The following SCN7A variants were observed in gnomAD, a reference collection of about 807,000 sequenced individuals.
SCN7A encodes sodium channel protein type 7 subunit alpha.
In SCN7A, 138 loss-of-function variants were observed where a neutral mutation model predicts 155.2. That is an observed-to-expected ratio of 0.89 (90% CI 0.77 to 1.02). SCN7A has a LOEUF of 1.02. Among genes scored for constraint, SCN7A ranks in the 50% least tolerant of loss-of-function variants. The pLI, the probability that SCN7A is intolerant of heterozygous loss-of-function variation, is 0.00. For missense variants in SCN7A, 2,058 were observed against 1,986.6 expected, an observed-to-expected ratio of 1.04 and a Z score of -0.68; for synonymous variants, 693 against 649.0, an observed-to-expected ratio of 1.07 and a Z score of -1.03.
At chr2:166,471,172 C>T (rs1702647202) in intron 6 of SCN7A, among the ~76,000 whole-genome samples, 1 of 151,814 alleles carries the variant, frequency 6.6e-6, no homozygotes, top group Admixed American at 6.6e-5. Context: ...TATAAGCAGA[C>T]TGTGTGTTGT....
chr2:166,427,783 C>T lies in SCN7A; in HGVS notation c.2853+5G>A. 1 of 1,603,978 alleles carries T rather than the reference C, an allele frequency of 6.2e-7. No individual in the cohort carries two copies. The highest frequency in any genetic ancestry group is 1.1e-5 in the South Asian group (1 of 89,792). ...AAGTATCAAACACCCTGGCTGCCCA[C>T]TTACCAGAGTGCCAGTGCTGAGCAG... On this transcript the variant is annotated splice_donor_5th_base_variant and intron_variant, in intron 18 of 25. Transcript: ENST00000643258.
rs746636913 is a variant in SCN7A at position 166,441,702 on chromosome 2, C to T, written c.1851G>A (p.Met617Ile). The change falls in exon 15 of 26, where the codon ATG becomes ATA. Residue 617 changes from methionine to isoleucine, a missense_variant. Physicochemically the swap from Met to Ile is conservative, Grantham distance 10 (BLOSUM62 1). Coordinates refer to ENST00000643258, the MANE Select transcript of SCN7A (RefSeq NM_002976.4). ...CCACCCATGAGTTACTAAGAGACCA[C>T]ATCAAAATCTGGAATGTTGGCCAAT... ...GKYWPTFQIL[M>I]WSLSNSWVAL... 4 of 1,612,400 alleles carry T rather than the reference C, an allele frequency of 2.5e-6. No individual in the cohort carries two copies. The highest frequency in any genetic ancestry group is 2.2e-5 in the East Asian group (1 of 44,868).
chr2:166,448,714 G>A (rs914955294), intron 11 of SCN7A, among the ~76,000 whole-genome samples: 2 of 152,146 alleles, frequency 1.3e-5, no homozygotes, highest in Admixed American at 6.6e-5. Flanking sequence ...ACCAGGAAAT[G>A]GTTGTGGTAT....
rs1281339788 is a variant in SCN7A, at chr2:166,474,335, C to T, written c.244G>A (p.Val82Ile). The T allele has an allele frequency of 7.0e-7, 1 of 1,437,548 alleles. No individual in the cohort carries two copies. The highest frequency in any genetic ancestry group is 1.4e-5 in the African/African-American group (1 of 69,468). The allele number at this position is 1,437,548 out of a possible 1,614,324, so 89.0% of individuals were successfully genotyped here. ...AAGATTGTTCTATTTTTATTTAATA[C>T]TATGAAAGTCTGTAAGAAGAAAAGC... ...YYYKKKNTFI[V>I]LNKNRTIFRF... The change falls in exon 4 of 26, where the codon GTA (valine) becomes ATA (isoleucine). Residue 82 changes from valine (V) to isoleucine (I), a missense_variant. By Grantham distance (29) the Val-to-Ile change is conservative (BLOSUM62 3). Coordinates refer to ENST00000643258, the MANE Select transcript of SCN7A (RefSeq NM_002976.4).
intron 19 of SCN7A, among the ~76,000 whole-genome samples, chr2:166,421,524 T>C (rs1025072336): frequency 6.6e-6 from 1 of 152,026 alleles, no homozygotes; most frequent in Non-Finnish European, 1.5e-5. Context: ...AACTGTTTTC[T>C]GGTAATAAGG....
chr2:166,434,270 A>C (rs1304261213), intron 15 of SCN7A, among the ~76,000 whole-genome samples: 3 of 152,170 alleles, frequency 2.0e-5, no homozygotes, highest in African/African-American at 7.2e-5. Context: ...GGTTCAAATA[A>C]AACTTGTATA....
At chr2:166,421,660 T>G (rs1462465624) in intron 19 of SCN7A, among the ~76,000 whole-genome samples, 1 of 151,990 alleles carries the variant, frequency 6.6e-6, no homozygotes. Context: ...AGTAATCATA[T>G]GCAGTATATT....
chr2:166,479,153 A>T (rs1350046468), intron 2 of SCN7A, among the ~76,000 whole-genome samples: 1 of 152,132 alleles, frequency 6.6e-6, no homozygotes, highest in Non-Finnish European at 1.5e-5. Context: ...AGATTTTCCC[A>T]AGACAGAAAT....
chr2:166,490,819 A>C (rs1683083273), intron 1 of SCN7A, among the ~76,000 whole-genome samples: 1 of 152,196 alleles, frequency 6.6e-6, no homozygotes, highest in Admixed American at 6.5e-5. Flanking sequence ...CAACTCTCCC[A>C]AAAGCTCCTT....
chr2:166,463,363 C>A (rs1702455532), intron 9 of SCN7A, among the ~76,000 whole-genome samples: 1 of 152,132 alleles, frequency 6.6e-6, no homozygotes. Flanking sequence ...TGGGTTTAGT[C>A]ATGTTACTTG....
intron 25 of SCN7A, among the ~76,000 whole-genome samples, chr2:166,408,066 C>T (rs1574996349): frequency 6.6e-6 from 1 of 151,996 alleles, no homozygotes; most frequent in Non-Finnish European, 1.5e-5. Context: ...CTCTCAAATA[C>T]AGGGAGCTCA....
At chr2:166,436,144 CTTAT>C (rs1267879376) in intron 15 of SCN7A, among the ~76,000 whole-genome samples, 1 of 152,086 alleles carries the variant, frequency 6.6e-6, no homozygotes, top group Non-Finnish European at 1.5e-5. Flanking sequence ...CACAAAGACA[CTTAT>C]TTATTAAGTG....
At chr2:166,435,111 G>T (rs915345347) in intron 15 of SCN7A, among the ~76,000 whole-genome samples, 2 of 151,782 alleles carry the variant, frequency 1.3e-5, no homozygotes, top group Admixed American at 1.3e-4. Flanking sequence ...AAAAATGAAC[G>T]TAATCTTAAA....
intron 10 of SCN7A, among the ~76,000 whole-genome samples, chr2:166,461,260 G>T (rs898961141): frequency 1.3e-5 from 2 of 151,928 alleles, no homozygotes; most frequent in Admixed American, 6.6e-5. Flanking sequence ...GGATGTGTAT[G>T]TATGTTTGTT....
chr2:166,466,445 AAG>A (rs1334700775), intron 7 of SCN7A, among the ~76,000 whole-genome samples: 2 of 152,160 alleles, frequency 1.3e-5, no homozygotes, highest in Non-Finnish European at 2.9e-5. Context: ...ATAAGCAGGA[AAG>A]AGAATAACAC....
At chr2:166,449,792 A>G (rs1349197669) in intron 11 of SCN7A, among the ~76,000 whole-genome samples, 1 of 152,094 alleles carries the variant, frequency 6.6e-6, no homozygotes, top group African/African-American at 2.4e-5. Context: ...AAGACCAAAA[A>G]AAACAAAAAC....
Position 166,456,962 on chromosome 2 carries a change from C to A in SCN7A, c.1198G>T (p.Glu400Ter), listed in dbSNP as rs368466099. ...LGILAMAYEE[E>*]KQRVGEISKK... Reference sequence around the variant, plus strand: ...GATATTTCACCAACTCTCTGCTTTTCTTCTTCATAGGCCATGGCAAGTATG... The same window carrying A: ...GATATTTCACCAACTCTCTGCTTTTATTCTTCATAGGCCATGGCAAGTATG... The change falls in exon 11 of 26, where the codon GAA (glutamate) becomes TAA (stop). Residue 400 changes from glutamate (E) to a stop codon, truncating the protein, a stop_gained. Transcript: ENST00000643258. LOFTEE classifies it high-confidence loss of function. 3.1e-6 allele frequency: 5 copies of A among 1,599,334 alleles called. No individual in the cohort carries two copies. The African/African-American group carries it at 5.4e-5, about 17-fold the overall frequency.
rs1701964304 is a variant in SCN7A, at chr2:166,441,694, A to C, written c.1859T>G (p.Leu620Arg). Reference sequence around the variant, plus strand: ...TTTCAGGGCCACCCATGAGTTACTAAGAGACCACATCAAAATCTGGAATGT... The same window carrying C: ...TTTCAGGGCCACCCATGAGTTACTACGAGACCACATCAAAATCTGGAATGT... Reference protein sequence around the residue: ...WPTFQILMWSLSNSWVALKDL... With the variant: ...WPTFQILMWSRSNSWVALKDL... The change falls in exon 15 of 26, where the codon CTT becomes CGT. Residue 620 changes from leucine (L) to arginine (R), a missense_variant. Coordinates refer to ENST00000643258, the MANE Select transcript of SCN7A (RefSeq NM_002976.4). The C allele has an allele frequency of 1.2e-6, 2 of 1,613,408 alleles. No individual in the cohort carries two copies. Among genetic ancestry groups the C allele is most frequent in the South Asian group, 2.2e-5 (2 of 90,936 alleles).
intron 21 of SCN7A, 60 bp downstream of exon 21, chr2:166,416,647 A>G: frequency 7.0e-7 from 1 of 1,420,874 alleles, no homozygotes; most frequent in East Asian, 2.5e-5. Flanking sequence ...TGTCCTTTGC[A>G]TTCAACCTAC....
Sources: gnomAD v4.1 joint callset for allele counts (sites outside exome capture counted in the v4.1 genomes callset) on GRCh38, gnomAD v4.1.1 for gene constraint, MANE v1.5 for transcripts, NCBI Gene and HGNC (gene_info 2026-07-23, HGNC 2026-07-21) for gene names.